Variants in IRX3 observed in about 807,000 individuals in gnomAD.
IRX3 encodes the protein iroquois homeobox 3, also known as iroquois-class homeodomain protein IRX-3.
IRX3 carries 20 observed loss-of-function variants against 36.4 expected under a neutral mutation model. The ratio of observed to expected loss-of-function variants is 0.55; its 90% confidence interval spans 0.39 to 0.80. IRX3 has a LOEUF of 0.80. Ranked by LOEUF, IRX3 falls within the 30% of genes least tolerant of loss-of-function variation. The pLI is 0.00. For synonymous variants in IRX3, 404 were observed against 351.6 expected (o/e 1.15, Z -1.67); for missense variants, 718 against 733.2 (o/e 0.98, Z 0.24).
At position 54,285,073 on chromosome 16, in the gene IRX3, G is replaced by A. The variant is rs1188852234; in HGVS notation, c.808C>T (p.Leu270=). 4 of 1,613,474 alleles carry A rather than the reference G, an allele frequency of 2.5e-6. No individual in the cohort carries two copies. The highest frequency in any genetic ancestry group is 3.4e-6 in the Non-Finnish European group (4 of 1,179,848). The change falls in exon 2 of 4, where the codon CTG becomes TTG. Residue 270 remains leucine (L), a synonymous_variant. Coordinates refer to ENST00000329734, the MANE Select transcript of IRX3 (RefSeq NM_024336.3). The surrounding 1 kb of genome is among the most constrained non-coding windows in gnomAD (Gnocchi z 5.7). Reference sequence around the variant, plus strand: ...CCATCCCTGCGCGCCGCCCCAGCCAGGGACAGCTCAGGCTCGGTGGCCGCG... The same window carrying A: ...CCATCCCTGCGCGCCGCCCCAGCCAAGGACAGCTCAGGCTCGGTGGCCGCG... ...DGAATEPELS[L]AGAARRDGDL...
In IRX3 at chr16:54,286,366, G is replaced by GCTGCCTCTGCCCGCTCCTCGCTCCTCA; in HGVS notation, c.-343_-317dup. On this transcript the variant is annotated 5_prime_UTR_variant, in exon 1 of 4. Coordinates refer to ENST00000329734, the MANE Select transcript of IRX3 (RefSeq NM_024336.3). ...GCGCTCCCTCCTCTCGGCCGCCGGAGCTGCCTCTGCCCGCTCCTCGCTCCT... is the reference window on the plus strand; with the variant it reads ...GCGCTCCCTCCTCTCGGCCGCCGGAGCTGCCTCTGCCCGCTCCTCGCTCCTCACTGCCTCTGCCCGCTCCTCGCTCCT... 4.1e-6 allele frequency: 4 copies of GCTGCCTCTGCCCGCTCCTCGCTCCTCA among 987,382 alleles called. No homozygotes were observed. The highest frequency in any genetic ancestry group is 4.8e-6 in the Non-Finnish European group (4 of 831,436). The allele number at this position is 987,382 out of a possible 1,614,324, so 61.2% of individuals were successfully genotyped here.
chr16:54,284,902 G>T lies in IRX3; in HGVS notation c.979C>A (p.Pro327Thr). ...VAVASPSLPS[P>T]PVSLDPCAPA... Reference sequence around the variant, plus strand: ...GCGCAGGGGTCCAGGCTCACGGGGGGCGACGGCAGAGACGGCGAGGCCACG... The same window carrying T: ...GCGCAGGGGTCCAGGCTCACGGGGGTCGACGGCAGAGACGGCGAGGCCACG... Residue 327 changes from proline to threonine, a missense_variant, in exon 2 of 4, where the codon CCC becomes ACC. By Grantham distance (38) the Pro-to-Thr change is conservative. Transcript: ENST00000329734. This position sits in a 1 kb window ranked among gnomAD's most constrained non-coding sequence, Gnocchi z 4.0. The T allele has an allele frequency of 3.8e-6, 6 of 1,577,776 alleles. No homozygotes were observed. Among genetic ancestry groups the T allele is most frequent in the Non-Finnish European group, 5.2e-6 (6 of 1,162,744 alleles).
At position 54,284,885 on chromosome 16, in the gene IRX3, G is replaced by T. The variant is rs752310447; in HGVS notation, c.996C>A (p.Asp332Glu). Residue 332 changes from aspartate to glutamate, a missense_variant, in exon 2 of 4, where the codon GAC (aspartate) becomes GAA (glutamate). Physicochemically the swap from Asp to Glu is conservative, Grantham distance 45. Coordinates refer to ENST00000329734, the MANE Select transcript of IRX3 (RefSeq NM_024336.3). This position sits in a 1 kb window ranked among gnomAD's most constrained non-coding sequence, Gnocchi z 4.0. ...CGGGGGCTGGTGCGGGAGCGCAGGG[G>T]TCCAGGCTCACGGGGGGCGACGGCA... ...PSLPSPPVSL[D>E]PCAPAPAPAS... is the part of the protein sequence containing the mutation. 6.4e-7 allele frequency: 1 copy of T among 1,567,400 alleles called. No homozygotes were observed. The highest frequency in any genetic ancestry group is 2.3e-5 in the East Asian group (1 of 43,650).
Position 54,284,003 on chromosome 16 carries a change from G to C in IRX3, c.1451+243C>G, listed in dbSNP as rs1319020355. 6 of 1,423,984 alleles carry C rather than the reference G, an allele frequency of 4.2e-6. No individual in the cohort carries two copies. Among genetic ancestry groups the C allele is most frequent in the Non-Finnish European group, 4.6e-6 (5 of 1,089,470 alleles). The allele number at this position is 1,423,984 out of a possible 1,614,324, so 88.2% of individuals were successfully genotyped here. A position where few individuals can be genotyped will look rare whatever the true frequency, so the allele number is the denominator to read the frequency against. ...GGGCCTGTGGGCCCAGCCACGCAAGGCTTCCCCTAGAAGGTACAAGCGCTG... is the reference window on the plus strand; with the variant it reads ...GGGCCTGTGGGCCCAGCCACGCAAGCCTTCCCCTAGAAGGTACAAGCGCTG... On this transcript the variant is annotated intron_variant, in intron 3 of 3. Coordinates refer to ENST00000329734, the MANE Select transcript of IRX3 (RefSeq NM_024336.3). The surrounding 1 kb of genome is among the most constrained non-coding windows in gnomAD (Gnocchi z 4.0).
rs747138320 is a variant in IRX3 at position 54,285,830 on chromosome 16, C to G, written c.221G>C (p.Gly74Ala). 2 of 1,564,308 alleles carry G rather than the reference C, an allele frequency of 1.3e-6. No homozygotes were observed. Among genetic ancestry groups the G allele is most frequent in the South Asian group, 2.3e-5 (2 of 85,600 alleles). ...CTCCGCGGCGTAGGGCAGGAAGGCGCCGTAGCCTTGGGCGGCGGCGGCCGC... is the reference window on the plus strand; with the variant it reads ...CTCCGCGGCGTAGGGCAGGAAGGCGGCGTAGCCTTGGGCGGCGGCGGCCGC... ...AAAAAAAQGY[G>A]AFLPYAAELP... The change falls in exon 1 of 4, where the codon GGC becomes GCC. Residue 74 changes from glycine to alanine, a missense_variant. Gly to Ala is a moderately conservative substitution (Grantham distance 60, BLOSUM62 0). Coordinates refer to ENST00000329734, the MANE Select transcript of IRX3 (RefSeq NM_024336.3). The surrounding 1 kb of genome is among the most constrained non-coding windows in gnomAD (Gnocchi z 5.7).
In IRX3 at chr16:54,286,400, TC is replaced by T; in HGVS notation, c.-351del. 1.0e-6 allele frequency: 1 copy of T among 986,434 alleles called. No individual in the cohort carries two copies. Among genetic ancestry groups the T allele is most frequent in the South Asian group, 4.7e-5 (1 of 21,300 alleles). 61.1% of individuals were successfully genotyped at this position (986,434 alleles called of 1,614,324 possible). A position where few individuals can be genotyped will look rare whatever the true frequency, so the allele number is the denominator to read the frequency against. The stretch of plus-strand genomic sequence containing the variant: ...GCCCGCTCCTCGCTCCTCACTGCCC[TC>T]CTCTCCCCAGCAGTGTCGCGCCTCG... On this transcript the variant is annotated 5_prime_UTR_variant, in exon 1 of 4. Transcript: ENST00000329734.
Position 54,286,041 on chromosome 16 carries a change from G to T in IRX3, c.10C>A (p.Pro4Thr). 1 of 1,304,632 alleles carries T rather than the reference G, an allele frequency of 7.7e-7. No homozygotes were observed. The highest frequency in any genetic ancestry group is 3.3e-5 in the East Asian group (1 of 30,530). 80.8% of individuals were successfully genotyped at this position (1,304,632 alleles called of 1,614,324 possible). A position where few individuals can be genotyped will look rare whatever the true frequency, so the allele number is the denominator to read the frequency against. Residue 4 changes from proline to threonine, a missense_variant, in exon 1 of 4, where the codon CCC becomes ACC. Pro to Thr is a conservative substitution (Grantham distance 38, BLOSUM62 -1). This residue lies in a region of IRX3 where 204 missense variants were observed against 181.4 expected (regional missense o/e 1.12). Coordinates refer to ENST00000329734, the MANE Select transcript of IRX3 (RefSeq NM_024336.3). ...CGGATGTATTGGTATCCCAGCTGGG[G>T]GAAGGACATGGTGGCCCGCGGGGCA... MSF[P>T]QLGYQYIRPL... is the part of the protein sequence containing the mutation.
At position 54,286,142 on chromosome 16, in the gene IRX3, G is replaced by A. The variant is rs1311045289; in HGVS notation, c.-92C>T. 5.8e-5 allele frequency: 66 copies of A among 1,132,930 alleles called. No individual in the cohort carries two copies. Among genetic ancestry groups the A allele is most frequent in the Non-Finnish European group, 7.1e-5 (65 of 919,830 alleles). The allele number at this position is 1,132,930 out of a possible 1,614,324, so 70.2% of individuals were successfully genotyped here. The stretch of plus-strand genomic sequence containing the variant: ...CGGGCTCCGGCGCGCATCGGGGGCT[G>A]GGCCGGGCTTGGGGCCGCGCTGCCG... On this transcript the variant is annotated 5_prime_UTR_variant, in exon 1 of 4. Transcript: ENST00000329734.
chr16:54,284,839 T>C lies in IRX3; in HGVS notation c.1042A>G (p.Lys348Glu). The C allele has an allele frequency of 6.5e-7, 1 of 1,535,224 alleles. No homozygotes were observed. ...GCAGTCTCCGCGAGGGACCAGATCTTGGGCTTCTGCAGGGCGGAGGCGGGG... is the reference window on the plus strand; with the variant it reads ...GCAGTCTCCGCGAGGGACCAGATCTCGGGCTTCTGCAGGGCGGAGGCGGGG... ...PAPASALQKP[K>E]IWSLAETATS... The change falls in exon 2 of 4, where the codon AAG (lysine) becomes GAG (glutamate). Residue 348 changes from lysine (K) to glutamate (E), a missense_variant. Lys to Glu is a moderately conservative substitution (Grantham distance 56). This residue lies in a region of IRX3 where 468 missense variants were observed against 462.1 expected (regional missense o/e 1.01). Coordinates refer to ENST00000329734, the MANE Select transcript of IRX3 (RefSeq NM_024336.3). This position sits in a 1 kb window ranked among gnomAD's most constrained non-coding sequence, Gnocchi z 4.0.
chr16:54,285,995 C>T lies in IRX3; in HGVS notation c.56G>A (p.Arg19His). Residue 19 changes from arginine (R) to histidine (H), a missense_variant, in exon 1 of 4, where the codon CGC becomes CAC. Around this residue, in one of 3 missense-constraint regions of IRX3, gnomAD observed 204 missense variants for 181.4 expected, o/e 1.12. Coordinates refer to ENST00000329734, the MANE Select transcript of IRX3 (RefSeq NM_024336.3). The surrounding 1 kb of genome is among the most constrained non-coding windows in gnomAD (Gnocchi z 5.7). The part of the protein sequence containing the change: ...QYIRPLYPSE[R>H]PGAAGGSGGS... ...GCCGCTGCCGCCAGCGGCCCCCGGG[C>T]GCTCGGACGGGTAAAGCGGGCGGAT... The T allele has an allele frequency of 7.4e-7, 1 of 1,355,330 alleles. No individual in the cohort carries two copies. The highest frequency in any genetic ancestry group is 1.5e-5 in the African/African-American group (1 of 64,684). The allele number at this position is 1,355,330 out of a possible 1,614,324, so 84.0% of individuals were successfully genotyped here. A position where few individuals can be genotyped will look rare whatever the true frequency, so the allele number is the denominator to read the frequency against.
Position 54,284,024 on chromosome 16 carries a change from C to T in IRX3, c.1451+222G>A. On this transcript the variant is annotated intron_variant, in intron 3 of 3. Coordinates refer to ENST00000329734, the MANE Select transcript of IRX3 (RefSeq NM_024336.3). This position sits in a 1 kb window ranked among gnomAD's most constrained non-coding sequence, Gnocchi z 4.0. ...CAAGGCTTCCCCTAGAAGGTACAAG[C>T]GCTGTACCCTCCGGCCGCGCCTGGG... The T allele has an allele frequency of 7.2e-7, 1 of 1,390,378 alleles. No individual in the cohort carries two copies. The allele number at this position is 1,390,378 out of a possible 1,614,324, so 86.1% of individuals were successfully genotyped here.
chr16:54,284,962 C>G lies in IRX3; in HGVS notation c.919G>C (p.Val307Leu), dbSNP rs758035815. 1.2e-6 allele frequency: 2 copies of G among 1,611,020 alleles called. No individual in the cohort carries two copies. The highest frequency in any genetic ancestry group is 2.2e-5 in the East Asian group (1 of 44,772). ...SEGLEDRPLPVLSLAPAPPPV... is the reference protein window; with the variant it reads ...SEGLEDRPLPLLSLAPAPPPV... ...GGTGGCGCTGGAGCCAGACTCAGGA[C>G]CGGTAGTGGCCGGTCCTCTAAGCCC... Residue 307 changes from valine (V) to leucine (L), a missense_variant, in exon 2 of 4, where the codon GTC (valine) becomes CTC (leucine). Val to Leu is a conservative substitution (Grantham distance 32). Around this residue, in one of 3 missense-constraint regions of IRX3, gnomAD observed 468 missense variants for 462.1 expected, o/e 1.01. Coordinates refer to ENST00000329734, the MANE Select transcript of IRX3 (RefSeq NM_024336.3). The surrounding 1 kb of genome is among the most constrained non-coding windows in gnomAD (Gnocchi z 4.0).
At position 54,285,614 on chromosome 16, in the gene IRX3, C is replaced by G. The variant is rs766722581; in HGVS notation, c.268-1G>C. On this transcript the variant is annotated splice_acceptor_variant, in intron 1 of 3. Coordinates refer to ENST00000329734, the MANE Select transcript of IRX3 (RefSeq NM_024336.3). LOFTEE classifies it high-confidence loss of function. The surrounding 1 kb of genome is among the most constrained non-coding windows in gnomAD (Gnocchi z 5.7). The stretch of plus-strand genomic sequence containing the variant: ...TGTCCTTCAGCTCATACTGCGCGCC[C>G]TGTACGCACATGGAGAAGGAAGGGA... The G allele has an allele frequency of 6.6e-7, 1 of 1,514,432 alleles. No individual in the cohort carries two copies. Among genetic ancestry groups the G allele is most frequent in the Non-Finnish European group, 8.8e-7 (1 of 1,130,804 alleles). 93.8% of individuals were successfully genotyped at this position (1,514,432 alleles called of 1,614,324 possible).
Position 54,284,345 on chromosome 16 carries a change from T to C in IRX3, c.1385-33A>G. ...AAGCGGGGGAAGAAAAAGGAGGGCC[T>C]TTAGAGCGCTCGGTGCCGGCGCCCA... On this transcript the variant is annotated intron_variant, in intron 2 of 3. Transcript: ENST00000329734. This position sits in a 1 kb window ranked among gnomAD's most constrained non-coding sequence, Gnocchi z 4.0. 3 of 1,587,096 alleles carry C rather than the reference T, an allele frequency of 1.9e-6. No individual in the cohort carries two copies. Among genetic ancestry groups the C allele is most frequent in the Non-Finnish European group, 2.6e-6 (3 of 1,169,506 alleles).
rs1244192524 is a variant in IRX3, at chr16:54,283,653, A to C, written c.*33T>G. ...TACAATTATTACAACGATTAAAAAA[A>C]GTTTTTTTTGTTTTTTTGTTTTTTT... On this transcript the variant is annotated 3_prime_UTR_variant, in exon 4 of 4. Coordinates refer to ENST00000329734, the MANE Select transcript of IRX3 (RefSeq NM_024336.3). The surrounding 1 kb of genome is among the most constrained non-coding windows in gnomAD (Gnocchi z 4.4). The C allele has an allele frequency of 4.4e-5, 45 of 1,020,160 alleles. No individual in the cohort carries two copies. Among genetic ancestry groups the C allele is most frequent in the Non-Finnish European group, 6.1e-5 (40 of 661,118 alleles). The allele number at this position is 1,020,160 out of a possible 1,614,324, so 63.2% of individuals were successfully genotyped here.
Position 54,284,795 on chromosome 16 carries a change from C to A in IRX3, c.1086G>T (p.Pro362=). Residue 362 remains proline, a synonymous_variant, in exon 2 of 4, where the codon CCG becomes CCT. Transcript: ENST00000329734. This position sits in a 1 kb window ranked among gnomAD's most constrained non-coding sequence, Gnocchi z 4.0. ...CCCCCGCGCCGGGAGGCGAGCGGCG[C>A]GGGTTGTCCGGGCTTGTGGCAGTCT... ...LAETATSPDN[P]RRSPPGAGGS... 1 of 1,469,448 alleles carries A rather than the reference C, an allele frequency of 6.8e-7. No homozygotes were observed. The highest frequency in any genetic ancestry group is 1.4e-5 in the South Asian group (1 of 72,220). The allele number at this position is 1,469,448 out of a possible 1,614,324, so 91.0% of individuals were successfully genotyped here. A position where few individuals can be genotyped will look rare whatever the true frequency, so the allele number is the denominator to read the frequency against.
At position 54,286,725 on chromosome 16, in the gene IRX3, A is replaced by G. The variant is rs1269220719; in HGVS notation, c.-675T>C. 6.6e-6 allele frequency: 1 copy of G among 152,120 alleles called. No individual in the cohort carries two copies. The highest frequency in any genetic ancestry group is 1.5e-5 in the Non-Finnish European group (1 of 68,116). The allele number at this position is 152,120 out of a possible 1,614,324, so 9.4% of individuals were successfully genotyped here. ...CCAGCCTCTGCGCCCTGGGCTAAGT[A>G]AGGCAGCCAAAAGTTGTGGACACTT... On this transcript the variant is annotated 5_prime_UTR_variant, in exon 1 of 4. Transcript: ENST00000329734.
chr16:54,284,822 C>T lies in IRX3; in HGVS notation c.1059G>A (p.Ala353=), dbSNP rs1248656365. ...GGTTGTCCGGGCTTGTGGCAGTCTC[C>T]GCGAGGGACCAGATCTTGGGCTTCT... ...ALQKPKIWSL[A]ETATSPDNPR... is the part of the protein sequence containing the mutation. Residue 353 remains alanine, a synonymous_variant, in exon 2 of 4, where the codon GCG becomes GCA. Coordinates refer to ENST00000329734, the MANE Select transcript of IRX3 (RefSeq NM_024336.3). The surrounding 1 kb of genome is among the most constrained non-coding windows in gnomAD (Gnocchi z 4.0). 1.3e-6 allele frequency: 2 copies of T among 1,514,922 alleles called. No homozygotes were observed. Among genetic ancestry groups the T allele is most frequent in the Admixed American group, 2.3e-5 (1 of 43,262 alleles). The allele number at this position is 1,514,922 out of a possible 1,614,324, so 93.8% of individuals were successfully genotyped here.
chr16:54,285,735 C>T lies in IRX3; in HGVS notation c.267+49G>A. On this transcript the variant is annotated intron_variant, in intron 1 of 3. Coordinates refer to ENST00000329734, the MANE Select transcript of IRX3 (RefSeq NM_024336.3). The surrounding 1 kb of genome is among the most constrained non-coding windows in gnomAD (Gnocchi z 5.7). Reference sequence around the variant, plus strand: ...TCCGGCCCCCGCGCGCTCAGCTCGCCCTGCGCCCCAGCGCCAACCCCTCCT... The same window carrying T: ...TCCGGCCCCCGCGCGCTCAGCTCGCTCTGCGCCCCAGCGCCAACCCCTCCT... 1 of 1,478,510 alleles carries T rather than the reference C, an allele frequency of 6.8e-7. No homozygotes were observed. The allele number at this position is 1,478,510 out of a possible 1,614,324, so 91.6% of individuals were successfully genotyped here.
Sources: allele counts gnomAD v4.1 joint callset, GRCh38; gene constraint gnomAD v4.1.1; regional missense constraint gnomAD v4.1.1; non-coding constraint Gnocchi (gnomAD v3.1); transcripts MANE v1.5; gene names NCBI Gene and HGNC (gene_info 2026-07-23, HGNC 2026-07-21).